The following STARD13 variants were observed in gnomAD, a reference collection of about 807,000 sequenced individuals.
STARD13 encodes the protein stAR-related lipid transfer protein 13.
In STARD13, 62 loss-of-function variants were observed where a neutral mutation model predicts 106.4. That is an observed-to-expected ratio of 0.58 (90% CI 0.48 to 0.72). STARD13 has a LOEUF of 0.72. Ranked by LOEUF, STARD13 falls within the 30% of genes least tolerant of loss-of-function variation. The pLI, the probability that STARD13 is intolerant of heterozygous loss-of-function variation, is 0.00. For synonymous variants in STARD13, 565 were observed against 553.0 expected, an observed-to-expected ratio of 1.02 and a Z score of -0.31; for missense variants, 1,387 against 1,424.0, an observed-to-expected ratio of 0.97 and a Z score of 0.42.
the STARD13 span, among the ~76,000 whole-genome samples, chr13:33,658,568 C>G: frequency 5.1e-3 from 782 of 152,300 alleles, 10 homozygotes; most frequent in African/African-American, 0.018. Context: ...TCTGGAGTAT[C>G]TTTTTCTCAA....
At chr13:33,574,044 A>C in the STARD13 span, among the ~76,000 whole-genome samples, 1 of 152,222 alleles carries the variant, frequency 6.6e-6, no homozygotes, top group African/African-American at 2.4e-5. Context: ...TAGATGATAC[A>C]GGAGTGTGAC....
At chr13:33,503,837 T>A in the STARD13 span, among the ~76,000 whole-genome samples, 1 of 152,030 alleles carries the variant, frequency 6.6e-6, no homozygotes, top group Non-Finnish European at 1.5e-5. Flanking sequence ...TGGGAGAAAA[T>A]TTTCACAATC....
chr13:33,282,129 C>G (rs537446881), intron 1 of STARD13, among the ~76,000 whole-genome samples: 34 of 152,202 alleles, frequency 2.2e-4, no homozygotes, highest in Non-Finnish European at 3.8e-4. Flanking sequence ...AAATAAGGAC[C>G]ATTCTTATTT....
intron 12 of STARD13, among the ~76,000 whole-genome samples, chr13:33,108,424 C>T (rs1205735671): frequency 6.6e-6 from 1 of 152,098 alleles, no homozygotes; most frequent in Non-Finnish European, 1.5e-5. Context: ...AGTCTTGGAT[C>T]AAAATCAGTG....
chr13:33,568,616 A>G, the STARD13 span, among the ~76,000 whole-genome samples: 5 of 148,110 alleles, frequency 3.4e-5, 1 homozygote, highest in East Asian at 1.0e-3. Context: ...ATTGGACACT[A>G]AATAATTAAG....
At chr13:33,637,045 A>ATAG in the STARD13 span, among the ~76,000 whole-genome samples, 1 of 152,232 alleles carries the variant, frequency 6.6e-6, no homozygotes, top group Non-Finnish European at 1.5e-5. Flanking sequence ...GAAGGAATGA[A>ATAG]TAGTACCCTT....
At chr13:33,517,667 G>A in the STARD13 span, among the ~76,000 whole-genome samples, 2 of 152,304 alleles carry the variant, frequency 1.3e-5, no homozygotes, top group African/African-American at 4.8e-5. Flanking sequence ...TGTCTTGAAG[G>A]AAGTTCATAG....
At chr13:33,171,139 CATA>C (rs1883908008) in intron 1 of STARD13, among the ~76,000 whole-genome samples, 2 of 152,178 alleles carry the variant, frequency 1.3e-5, no homozygotes, top group African/African-American at 2.4e-5. Flanking sequence ...TGCTAGCCAG[CATA>C]ATATTATGTA....
At chr13:33,258,774 C>A (rs779090558) in intron 1 of STARD13, among the ~76,000 whole-genome samples, 1 of 152,194 alleles carries the variant, frequency 6.6e-6, no homozygotes, top group Non-Finnish European at 1.5e-5. Flanking sequence ...CCACAGTGAC[C>A]TATCTAGGCC....
At chr13:33,667,785 A>G in the STARD13 span, among the ~76,000 whole-genome samples, 1 of 152,254 alleles carries the variant, frequency 6.6e-6, no homozygotes, top group African/African-American at 2.4e-5. Flanking sequence ...CTTTCAATGG[A>G]TGCTGAAGAG....
intron 4 of STARD13, chr13:33,138,318 G>T (rs1879323326): frequency 6.6e-6 from 1 of 151,384 alleles, no homozygotes; most frequent in South Asian, 2.1e-4. Flanking sequence ...CGCGAATTTT[G>T]TAGGTAATAA....
At chr13:33,228,492 T>C (rs1888735808) in intron 1 of STARD13, among the ~76,000 whole-genome samples, 1 of 152,154 alleles carries the variant, frequency 6.6e-6, no homozygotes, top group Non-Finnish European at 1.5e-5. Context: ...AGAGACTGTG[T>C]GGACTCCTTA....
Position 33,132,743 on chromosome 13 carries a change from A to T in STARD13, c.388-2454T>A, listed in dbSNP as rs1234676714. On this transcript the variant is annotated intron_variant, in intron 4 of 13. Coordinates refer to ENST00000336934, the MANE Select transcript of STARD13 (RefSeq NM_178006.4). ...ATCCTACAGCTTGAGATCACAGTGA[A>T]AAATGAGTCTGAGTTTTAAAAAAGT... Among the ~76,000 whole-genome samples the T allele has an allele frequency of 6.6e-5, 10 of 152,208 alleles. 1 individual carries two copies. Among genetic ancestry groups the T allele is most frequent in the Admixed American group, 6.5e-4 (10 of 15,282 alleles).
intron 1 of STARD13, among the ~76,000 whole-genome samples, chr13:33,214,659 C>T (rs1887919063): frequency 6.6e-6 from 1 of 150,428 alleles, no homozygotes; most frequent in Admixed American, 6.7e-5. Context: ...TCACCTTACA[C>T]ACAAACACAC....
At chr13:33,113,061 A>G (rs1442482097) in intron 8 of STARD13, 130 bp from the exon 9 acceptor site, 4 of 638,162 alleles carry the variant, frequency 6.3e-6, no homozygotes, top group Admixed American at 3.2e-5. Context: ...AACAACCAGA[A>G]CAGCAGGAAA....
chr13:33,122,831 G>C (rs555151988), intron 7 of STARD13, among the ~76,000 whole-genome samples: 3 of 152,138 alleles, frequency 2.0e-5, no homozygotes, highest in African/African-American at 7.2e-5. Flanking sequence ...GAGGCGGGTG[G>C]ATCACCTGAG....
At chr13:33,337,306 ACTAAT>A (rs1380641828) in intron 1 of STARD13, among the ~76,000 whole-genome samples, 1 of 151,842 alleles carries the variant, frequency 6.6e-6, no homozygotes, top group Non-Finnish European at 1.5e-5. Flanking sequence ...GGTTTAATGA[ACTAAT>A]CTATTATGAG....
At chr13:33,632,400 A>G in the STARD13 span, among the ~76,000 whole-genome samples, 1 of 152,236 alleles carries the variant, frequency 6.6e-6, no homozygotes, top group South Asian at 2.1e-4. Context: ...ATATAGTTAT[A>G]GTTTGATATA....
At chr13:33,117,672 T>A (rs981776783) in intron 8 of STARD13, 1 of 944,216 alleles carries the variant, frequency 1.1e-6, no homozygotes, top group African/African-American at 1.8e-5. Flanking sequence ...TCATGTCACT[T>A]TGAATTTCCT....
Sources: allele counts gnomAD v4.1 joint callset (sites outside exome capture counted in the v4.1 genomes callset), GRCh38; gene constraint gnomAD v4.1.1; transcripts MANE v1.5; gene names NCBI Gene and HGNC (gene_info 2026-07-23, HGNC 2026-07-21).